LMX1B: variants seen among roughly 807,000 people sequenced by gnomAD.
LMX1B encodes LIM homeobox transcription factor 1 beta, also known as LIM homeobox transcription factor 1-beta.
In LMX1B, 12 loss-of-function variants were observed where a neutral mutation model predicts 51.4. That is an observed-to-expected ratio of 0.23 (90% confidence interval 0.15 to 0.38). The LOEUF (loss-of-function observed/expected upper bound fraction) is 0.38. LMX1B is among the 10% of genes least tolerant of loss of function. LMX1B has a pLI of 1.00. For missense variants in LMX1B, 445 were observed against 571.1 expected, an observed-to-expected ratio of 0.78 and a Z score of 2.25; for synonymous variants, 237 against 235.4, an observed-to-expected ratio of 1.01 and a Z score of -0.06.
In LMX1B at chr9:126,628,492, G is replaced by A. The variant is rs573686958; in HGVS notation, c.326+12923G>A. Among the ~76,000 whole-genome samples the A allele has an allele frequency of 2.0e-5, 3 of 152,348 alleles. 1 individual carries two copies. The South Asian group carries it at 6.2e-4, about 32-fold the overall frequency. On this transcript the variant is annotated intron_variant, in intron 2 of 7. Coordinates refer to ENST00000373474, the MANE Select transcript of LMX1B (RefSeq NM_001174147.2). ...AGATCAGGAGAGGCCGCCAGCAACA[G>A]CCAGGTCTCAGCTGGGTTCAGGACA...
chr9:126,661,777 G>A (rs1836251658), intron 2 of LMX1B, among the ~76,000 whole-genome samples: 1 of 152,198 alleles, frequency 6.6e-6, no homozygotes, highest in African/African-American at 2.4e-5. Flanking sequence ...TCTATCCTTG[G>A]AGCCCTGAGG....
chr9:126,628,810 T>C (rs1283374874), intron 2 of LMX1B, among the ~76,000 whole-genome samples: 2 of 152,118 alleles, frequency 1.3e-5, no homozygotes, highest in Non-Finnish European at 2.9e-5. Flanking sequence ...GGTCTAAAGT[T>C]GCCATCCCCA....
At chr9:126,668,235 G>T (rs1836382980) in intron 2 of LMX1B, among the ~76,000 whole-genome samples, 1 of 152,150 alleles carries the variant, frequency 6.6e-6, no homozygotes, top group African/African-American at 2.4e-5. Flanking sequence ...CCTCTGGTTG[G>T]AAAGGGTGGC....
chr9:126,624,470 A>G (rs1362096928), intron 2 of LMX1B, among the ~76,000 whole-genome samples: 4 of 152,066 alleles, frequency 2.6e-5, no homozygotes, highest in Admixed American at 2.6e-4. Flanking sequence ...TTATTGAGAG[A>G]ACAGAAAATT....
At chr9:126,682,219 A>G (rs2118969011) in intron 2 of LMX1B, among the ~76,000 whole-genome samples, 1 of 151,058 alleles carries the variant, frequency 6.6e-6, no homozygotes, top group South Asian at 2.1e-4. Flanking sequence ...TCAGCCACAG[A>G]GCCCAGCCTC....
At chr9:126,637,869 C>T (rs1835741655) in intron 2 of LMX1B, among the ~76,000 whole-genome samples, 1 of 142,284 alleles carries the variant, frequency 7.0e-6, no homozygotes, top group Non-Finnish European at 1.5e-5. Context: ...AGTACAGTAC[C>T]CTCCCCTCCT....
In LMX1B at chr9:126,695,602, G is replaced by A. The variant is rs1015460843; in HGVS notation, c.887-237G>A. On this transcript the variant is annotated intron_variant, in intron 6 of 7. Coordinates refer to ENST00000373474, the MANE Select transcript of LMX1B (RefSeq NM_001174147.2). This position sits in a 1 kb window ranked among gnomAD's most constrained non-coding sequence, Gnocchi z 5.2. ...CCGCCTCCCTGGATCCCCTGGAGGGGCGGGGTGGTGGGAGGAAAGAAGATG... is the reference window on the plus strand; with the variant it reads ...CCGCCTCCCTGGATCCCCTGGAGGGACGGGGTGGTGGGAGGAAAGAAGATG... 2.0e-5 allele frequency among the ~76,000 whole-genome samples: 3 copies of A among 152,200 alleles called. No individual in the cohort carries two copies. Among genetic ancestry groups the A allele is most frequent in the Non-Finnish European group, 4.4e-5 (3 of 68,042 alleles).
rs114622240 is a variant in LMX1B, at chr9:126,677,778, G to A, written c.327-13058G>A. 6.6e-6 allele frequency among the ~76,000 whole-genome samples: 1 copy of A among 152,148 alleles called. No individual in the cohort carries two copies. Among genetic ancestry groups the A allele is most frequent in the African/African-American group, 2.4e-5 (1 of 41,432 alleles). ...TTCAAACATTCGAGCAGGAGCACAG[G>A]GCATGTACTCAGGGCATTGCGGGGA... On this transcript the variant is annotated intron_variant, in intron 2 of 7. Coordinates refer to ENST00000373474, the MANE Select transcript of LMX1B (RefSeq NM_001174147.2). This position sits in a 1 kb window ranked among gnomAD's most constrained non-coding sequence, Gnocchi z 5.0.
In LMX1B at chr9:126,661,807, C is replaced by T. The variant is rs192336797; in HGVS notation, c.327-29029C>T. Among the ~76,000 whole-genome samples, 499 of 152,292 alleles carry T rather than the reference C, an allele frequency of 3.3e-3. 1 individual carries two copies. The highest frequency in any genetic ancestry group is 0.011 in the African/African-American group (474 of 41,556). ...CTGAGGGTTTCCTGCAAGGTGTGGCCGCTGCAGAGGGGAGGGGGACACCTG... is the reference window on the plus strand; with the variant it reads ...CTGAGGGTTTCCTGCAAGGTGTGGCTGCTGCAGAGGGGAGGGGGACACCTG... On this transcript the variant is annotated intron_variant, in intron 2 of 7. Coordinates refer to ENST00000373474, the MANE Select transcript of LMX1B (RefSeq NM_001174147.2).
Position 126,615,623 on chromosome 9 carries a change from A to G in LMX1B, c.326+54A>G. The G allele has an allele frequency of 2.6e-6, 4 of 1,520,190 alleles. No individual in the cohort carries two copies. Among genetic ancestry groups the G allele is most frequent in the Non-Finnish European group, 3.6e-6 (4 of 1,123,944 alleles). The allele number at this position is 1,520,190 out of a possible 1,614,324, so 94.2% of individuals were successfully genotyped here. ...CACCGCCCGGCACTCGAGCCCGGTC[A>G]GCCCCCTGCCGGGCCCGGCCCGCGC... is the stretch of plus-strand genomic sequence containing the variant. On this transcript the variant is annotated intron_variant, in intron 2 of 7. Coordinates refer to ENST00000373474, the MANE Select transcript of LMX1B (RefSeq NM_001174147.2). The surrounding 1 kb of genome is among the most constrained non-coding windows in gnomAD (Gnocchi z 6.0).
intron 2 of LMX1B, among the ~76,000 whole-genome samples, chr9:126,640,024 C>T (rs1278674195): frequency 1.3e-5 from 2 of 152,186 alleles, no homozygotes; most frequent in African/African-American, 4.8e-5. Flanking sequence ...TTTTATAATT[C>T]CTCCTTAACG....
intron 2 of LMX1B, among the ~76,000 whole-genome samples, chr9:126,686,203 C>A (rs555363997): frequency 1.3e-5 from 2 of 149,180 alleles, no homozygotes; most frequent in African/African-American, 4.9e-5. Context: ...CAGCGTGAAC[C>A]CAGGAGGCGG....
Position 126,677,286 on chromosome 9 carries a change from C to T in LMX1B, c.327-13550C>T, listed in dbSNP as rs142597978. 8.1e-3 allele frequency among the ~76,000 whole-genome samples: 1,240 copies of T among 152,258 alleles called. 9 individuals carry two copies. The highest frequency in any genetic ancestry group is 9.5e-3 in the Non-Finnish European group (645 of 68,022). On this transcript the variant is annotated intron_variant, in intron 2 of 7. Coordinates refer to ENST00000373474, the MANE Select transcript of LMX1B (RefSeq NM_001174147.2). This position sits in a 1 kb window ranked among gnomAD's most constrained non-coding sequence, Gnocchi z 5.0. ...ACCTCCTTTTAATTCCTGCTCCTGCCCCCTCCTCTCCGAGCTCCCCTGGGC... is the reference window on the plus strand; with the variant it reads ...ACCTCCTTTTAATTCCTGCTCCTGCTCCCTCCTCTCCGAGCTCCCCTGGGC...
intron 2 of LMX1B, among the ~76,000 whole-genome samples, chr9:126,644,196 G>A (rs1452415677): frequency 6.6e-6 from 1 of 152,198 alleles, no homozygotes; most frequent in East Asian, 1.9e-4. Flanking sequence ...GGTATCTGCT[G>A]AAGTCGTTTC....
chr9:126,647,725 C>A (rs1260544083), intron 2 of LMX1B, among the ~76,000 whole-genome samples: 2 of 152,226 alleles, frequency 1.3e-5, no homozygotes, highest in Non-Finnish European at 2.9e-5. Context: ...AGTGTGGAGC[C>A]CTGGCCCAAG....
intron 2 of LMX1B, among the ~76,000 whole-genome samples, chr9:126,672,128 G>A (rs771318350): frequency 2.6e-5 from 4 of 152,264 alleles, no homozygotes; most frequent in South Asian, 2.1e-4. Flanking sequence ...TGGAAGGACC[G>A]GGTTCAAATC....
At chr9:126,687,441 G>A (rs977864935) in intron 2 of LMX1B, among the ~76,000 whole-genome samples, 3 of 152,128 alleles carry the variant, frequency 2.0e-5, no homozygotes, top group African/African-American at 7.2e-5. Flanking sequence ...TGTTGGCCAG[G>A]CTGGTTTTGA....
intron 2 of LMX1B, among the ~76,000 whole-genome samples, chr9:126,664,747 C>T (rs1379559778): frequency 7.9e-5 from 12 of 152,114 alleles, no homozygotes; most frequent in African/African-American, 2.4e-4. Flanking sequence ...TGGTGGTGCG[C>T]GCCTGTAATC....
chr9:126,624,499 T>C lies in LMX1B; in HGVS notation c.326+8930T>C, dbSNP rs75891409. ...GAAAATTAGGGGTTGCGGGGGAGAA[T>C]CTAAGACCCTTTTCCCGCCTGAGAA... On this transcript the variant is annotated intron_variant, in intron 2 of 7. Transcript: ENST00000373474. 5.8e-3 allele frequency among the ~76,000 whole-genome samples: 884 copies of C among 152,162 alleles called. 24 individuals are homozygous for C. In the East Asian group the frequency reaches 0.086, roughly 15 times the overall value.
Sources: gnomAD v4.1 joint callset for allele counts (sites outside exome capture counted in the v4.1 genomes callset) on GRCh38, gnomAD v4.1.1 for gene constraint, Gnocchi (gnomAD v3.1) non-coding constraint, MANE v1.5 for transcripts, NCBI Gene and HGNC (gene_info 2026-07-23, HGNC 2026-07-21) for gene names.